Variants in GUCA1C observed in about 807,000 individuals in gnomAD.
GUCA1C encodes guanylyl cyclase-activating protein 3.
In GUCA1C, 15 loss-of-function variants were observed where a neutral mutation model predicts 16.2. The ratio of observed to expected loss-of-function variants is 0.93; its 90% CI spans 0.62 to 1.43. The LOEUF (loss-of-function observed/expected upper bound fraction) is 1.43, where lower values mean the gene tolerates loss of function less well. GUCA1C is among the 40% of genes most tolerant of loss of function. The pLI is 0.00. For synonymous variants in GUCA1C, 78 were observed against 85.4 expected (o/e 0.91, Z 0.48); for missense variants, 275 against 244.8 (o/e 1.12, Z -0.82).
At chr3:108,943,104 T>C (rs1019159509) in intron 1 of GUCA1C, among the ~76,000 whole-genome samples, 1 of 152,130 alleles carries the variant, frequency 6.6e-6, no homozygotes, top group African/African-American at 2.4e-5. Context: ...AAACAAAAGA[T>C]TTAGAAGAAT....
At chr3:108,915,524 A>G (rs1946499655) in intron 3 of GUCA1C, among the ~76,000 whole-genome samples, 1 of 152,126 alleles carries the variant, frequency 6.6e-6, no homozygotes, top group African/African-American at 2.4e-5. Context: ...TCTGAAGAAG[A>G]AAGGTACCTC....
intron 3 of GUCA1C, among the ~76,000 whole-genome samples, chr3:108,909,213 G>A (rs1946422818): frequency 6.6e-6 from 1 of 152,118 alleles, no homozygotes; most frequent in African/African-American, 2.4e-5. Context: ...AATGCAAAAT[G>A]CTAAAATGCA....
At chr3:108,913,455 T>C (rs542226038) in intron 3 of GUCA1C, among the ~76,000 whole-genome samples, 2 of 152,200 alleles carry the variant, frequency 1.3e-5, no homozygotes, top group East Asian at 3.9e-4. Flanking sequence ...ATATTATTCT[T>C]CTCTGTCAAA....
rs373585969 is a variant in GUCA1C, at chr3:108,928,626, G to A, written c.205-8041C>T. On this transcript the variant is annotated intron_variant, in intron 1 of 3. Coordinates refer to ENST00000261047, the MANE Select transcript of GUCA1C (RefSeq NM_005459.4). ...GAGTAAATTTTTGTGAAAGGTGTAA[G>A]GTCTTTGTCTAGATGCTTTTCTTTG... is the stretch of plus-strand genomic sequence containing the variant. Among the ~76,000 whole-genome samples, 7 of 152,234 alleles carry A rather than the reference G, an allele frequency of 4.6e-5. No individual in the cohort carries two copies. In the East Asian group the frequency reaches 7.7e-4, roughly 17 times the overall value.
At chr3:108,945,041 A>C (rs34296710) in intron 1 of GUCA1C, among the ~76,000 whole-genome samples, 3,815 of 152,330 alleles carry the variant, frequency 0.025, 81 homozygotes, top group Middle Eastern at 0.11. Flanking sequence ...ATGTCAGTAC[A>C]GCAGAAGGAA....
intron 3 of GUCA1C, among the ~76,000 whole-genome samples, chr3:108,915,366 A>G (rs1946497767): frequency 6.6e-6 from 1 of 152,108 alleles, no homozygotes; most frequent in African/African-American, 2.4e-5. Context: ...AACAATGTCA[A>G]ATTTTCTGTT....
intron 1 of GUCA1C, among the ~76,000 whole-genome samples, chr3:108,938,022 A>T (rs1457102452): frequency 6.6e-6 from 1 of 152,056 alleles, no homozygotes; most frequent in African/African-American, 2.4e-5. Context: ...GTGAGCCGAG[A>T]TCGCACCACT....
At chr3:108,913,997 C>T (rs887686239) in intron 3 of GUCA1C, among the ~76,000 whole-genome samples, 1 of 150,244 alleles carries the variant, frequency 6.7e-6, no homozygotes, top group African/African-American at 2.5e-5. Context: ...ACCCAGGAGG[C>T]GGAGGTTGCA....
chr3:108,943,595 T>C (rs932689337), intron 1 of GUCA1C, among the ~76,000 whole-genome samples: 3 of 152,146 alleles, frequency 2.0e-5, no homozygotes, highest in Admixed American at 6.5e-5. Flanking sequence ...TGGATGCACA[T>C]TTGGGGTTTA....
chr3:108,936,656 C>T (rs911686850), intron 1 of GUCA1C, among the ~76,000 whole-genome samples: 3 of 152,170 alleles, frequency 2.0e-5, no homozygotes, highest in African/African-American at 4.8e-5. Flanking sequence ...AGATGGGACA[C>T]GTTCAGTGCA....
In GUCA1C at chr3:108,910,524, G is replaced by A. The variant is rs1692664987; in HGVS notation, c.443-2315C>T. Among the ~76,000 whole-genome samples the A allele has an allele frequency of 2.0e-5, 3 of 151,670 alleles. No individual in the cohort carries two copies. In the South Asian group the frequency reaches 6.2e-4, roughly 32 times the overall value. ...AAAAAAAAAGGCAAAGATTCTACCA[G>A]CAAAAAGCCAATGCCTGTGAGAGAT... is the stretch of plus-strand genomic sequence containing the variant. On this transcript the variant is annotated intron_variant, in intron 3 of 3. Coordinates refer to ENST00000261047, the MANE Select transcript of GUCA1C (RefSeq NM_005459.4).
At chr3:108,952,914 CAAG>C (rs1326180306) in intron 1 of GUCA1C, among the ~76,000 whole-genome samples, 2 of 147,882 alleles carry the variant, frequency 1.4e-5, no homozygotes, top group Non-Finnish European at 3.0e-5. Context: ...TGTATTTTTT[CAAG>C]AAATGAAATT....
chr3:108,929,650 T>A (rs1946650110), intron 1 of GUCA1C, among the ~76,000 whole-genome samples: 1 of 152,070 alleles, frequency 6.6e-6, no homozygotes, highest in Non-Finnish European at 1.5e-5. Flanking sequence ...GTTTACTTCT[T>A]ATGCCAAAGA....
chr3:108,933,015 T>C (rs187691098), intron 1 of GUCA1C, among the ~76,000 whole-genome samples: 28 of 151,870 alleles, frequency 1.8e-4, no homozygotes, highest in African/African-American at 6.8e-4. Context: ...GGAATACATA[T>C]GAGTTGCAAG....
At chr3:108,942,886 T>C (rs1456592673) in intron 1 of GUCA1C, among the ~76,000 whole-genome samples, 1 of 152,160 alleles carries the variant, frequency 6.6e-6, no homozygotes, top group African/African-American at 2.4e-5. Context: ...GCAAGTGCAG[T>C]GAGATAATAA....
intron 1 of GUCA1C, among the ~76,000 whole-genome samples, chr3:108,951,854 GT>G (rs1946899370): frequency 6.6e-6 from 1 of 152,204 alleles, no homozygotes; most frequent in Non-Finnish European, 1.5e-5. Flanking sequence ...ACACACACCT[GT>G]TTGGACATTG....
chr3:108,936,801 G>A (rs2107305512), intron 1 of GUCA1C, among the ~76,000 whole-genome samples: 1 of 152,260 alleles, frequency 6.6e-6, no homozygotes, highest in South Asian at 2.1e-4. Flanking sequence ...TAGCTCAAGG[G>A]AAGTCTGGCC....
intron 1 of GUCA1C, among the ~76,000 whole-genome samples, chr3:108,946,472 C>A (rs1946844896): frequency 6.6e-6 from 1 of 152,140 alleles, no homozygotes; most frequent in African/African-American, 2.4e-5. Flanking sequence ...CCGTGGCATA[C>A]CAAAATTATT....
chr3:108,949,605 G>T (rs188229754), intron 1 of GUCA1C, among the ~76,000 whole-genome samples: 1 of 152,212 alleles, frequency 6.6e-6, no homozygotes, highest in Admixed American at 6.5e-5. Flanking sequence ...TTCCCCAAAG[G>T]TCTGAGGTGC....
Sources: allele counts gnomAD v4.1 joint callset (sites outside exome capture counted in the v4.1 genomes callset), GRCh38; gene constraint gnomAD v4.1.1; transcripts MANE v1.5; gene names NCBI Gene and HGNC (gene_info 2026-07-23, HGNC 2026-07-21).